The following C3orf22 variants were observed in gnomAD, a reference collection of about 807,000 sequenced individuals.
C3orf22 encodes the protein chromosome 3 open reading frame 22, also known as uncharacterized protein C3orf22.
Under a neutral mutation model 10.8 loss-of-function variants are expected in C3orf22, and 7 were observed. The observed-to-expected ratio is 0.65, with a 90% CI of 0.37 to 1.22. The LOEUF is 1.22. Among genes scored for constraint, C3orf22 ranks in the 50% most tolerant of loss-of-function variants. The pLI is 0.02. For missense variants in C3orf22, 173 were observed against 177.0 expected (o/e 0.98, Z 0.13); for synonymous variants, 79 against 78.9 (o/e 1.00, Z 0.00).
chr3:126,538,044 G>A (rs1326713890), intron 4 of C3orf22, among the ~76,000 whole-genome samples: 1 of 152,158 alleles, frequency 6.6e-6, no homozygotes, highest in African/African-American at 2.4e-5. Context: ...TTGGAGCCCC[G>A]GCTTCCCCAA....
At chr3:126,541,992 G>A in intron 4 of C3orf22, 1 of 1,564,052 alleles carries the variant, frequency 6.4e-7, no homozygotes. Flanking sequence ...CACGCGCCTG[G>A]CCGCCTGCCC....
At chr3:126,540,313 A>G (rs982893682) in intron 4 of C3orf22, among the ~76,000 whole-genome samples, 2 of 152,158 alleles carry the variant, frequency 1.3e-5, no homozygotes, top group Admixed American at 1.3e-4. Context: ...CCGCTGTCTA[A>G]TTTCCAAACA....
downstream of C3orf22, among the ~76,000 whole-genome samples, chr3:126,544,925 C>G (rs534108828): frequency 6.6e-6 from 1 of 152,360 alleles, no homozygotes; most frequent in South Asian, 2.1e-4. Flanking sequence ...CCCAGGCCCT[C>G]GAGGACTGAG....
At chr3:126,529,218 G>A in exon 5 of C3orf22, 3 of 912,218 alleles carry the variant, frequency 3.3e-6, no homozygotes, top group Non-Finnish European at 4.7e-6. Flanking sequence ...CTAGTGTGGT[G>A]TTTCACCCGG....
chr3:126,530,269 C>T (rs1936626506), intron 4 of C3orf22, among the ~76,000 whole-genome samples: 1 of 152,262 alleles, frequency 6.6e-6, no homozygotes, highest in African/African-American at 2.4e-5. Context: ...TCTCTGGTAC[C>T]TGCTCCCTTT....
intron 2 of C3orf22, among the ~76,000 whole-genome samples, chr3:126,552,794 C>A (rs576757557): frequency 2.0e-5 from 3 of 152,200 alleles, no homozygotes; most frequent in Non-Finnish European, 4.4e-5. Context: ...TGCTGTCCTG[C>A]GGGTGGGAGG....
chr3:126,529,383 C>T (rs371186456), intron 4 of C3orf22: 40 of 1,289,164 alleles, frequency 3.1e-5, no homozygotes, highest in African/African-American at 1.2e-4. Flanking sequence ...CTACGGATGC[C>T]GCAAGGGGGG....
rs1463783300 is a variant in C3orf22, at chr3:126,542,231, G to C, written c.286+7306C>G. 4 of 1,510,310 alleles carry C rather than the reference G, an allele frequency of 2.6e-6. No homozygotes were observed. In the African/African-American group the frequency reaches 4.3e-5, roughly 16 times the overall value. The allele number at this position is 1,510,310 out of a possible 1,614,324, so 93.6% of individuals were successfully genotyped here. ...CCGCGGCCACGACGTGCGCTTCGCG[G>C]AGTTCCTGGCCTACCTGCTGGACCC... On this transcript the variant is annotated intron_variant and NMD_transcript_variant, in intron 4 of 5. Coordinates refer to the C3orf22 transcript ENST00000505070.
downstream of C3orf22, chr3:126,549,610 G>A (rs774215681): frequency 5.7e-6 from 8 of 1,403,128 alleles, no homozygotes; most frequent in Non-Finnish European, 7.6e-6. Flanking sequence ...CACCAACCCT[G>A]CAAGATTAAA....
At chr3:126,555,211 G>C (rs1393648580) in intron 1 of C3orf22, among the ~76,000 whole-genome samples, 1 of 152,182 alleles carries the variant, frequency 6.6e-6, no homozygotes, top group Admixed American at 6.5e-5. Flanking sequence ...TCCTCTCTCA[G>C]GAAGGCCAGC....
At chr3:126,550,720 C>T (rs1937162397) in intron 3 of C3orf22, among the ~76,000 whole-genome samples, 1 of 152,352 alleles carries the variant, frequency 6.6e-6, no homozygotes, top group East Asian at 1.9e-4. Context: ...TGCCCACTCC[C>T]CCAGCCCTGG....
chr3:126,547,622 G>A (rs1937091107), downstream of C3orf22, among the ~76,000 whole-genome samples: 1 of 152,202 alleles, frequency 6.6e-6, no homozygotes, highest in South Asian at 2.1e-4. Flanking sequence ...TCCTGCTCCA[G>A]TCCCAAAAGC....
chr3:126,544,606 T>A (rs1243371072), intron 4 of C3orf22, among the ~76,000 whole-genome samples: 1 of 152,176 alleles, frequency 6.6e-6, no homozygotes, highest in Non-Finnish European at 1.5e-5. Flanking sequence ...TGATGACACA[T>A]GCCTTTGTTC....
chr3:126,550,464 A>G (rs994194626), intron 3 of C3orf22, among the ~76,000 whole-genome samples: 1 of 152,078 alleles, frequency 6.6e-6, no homozygotes, highest in Admixed American at 6.5e-5. Context: ...TGCCAACCTG[A>G]CTGTGAGGAC....
chr3:126,537,344 C>A lies in C3orf22; in HGVS notation c.287-7972G>T, dbSNP rs568671502. ...GGGGAGCCTGGAGAAGTGGGCAGCACGCAGGCCCTGCAGGTGTGCAAGGGT... is the reference window on the plus strand; with the variant it reads ...GGGGAGCCTGGAGAAGTGGGCAGCAAGCAGGCCCTGCAGGTGTGCAAGGGT... On this transcript the variant is annotated intron_variant and NMD_transcript_variant, in intron 4 of 5. Transcript: ENST00000505070. 4.6e-5 allele frequency among the ~76,000 whole-genome samples: 7 copies of A among 152,318 alleles called. No homozygotes were observed. In the South Asian group the frequency reaches 1.4e-3, roughly 32 times the overall value.
chr3:126,553,426 C>A lies in C3orf22; in HGVS notation c.-36G>T, dbSNP rs757510703. On this transcript the variant is annotated 5_prime_UTR_variant, in exon 2 of 4. An upstream start codon of the reference 5' UTR is lost. Transcript: ENST00000318225. Reference sequence around the variant, plus strand: ...GTTAAGCTGAGGCACACCTCTCAGCCATGGCTGGAAGACAAGAGGAGGCGT... The same window carrying A: ...GTTAAGCTGAGGCACACCTCTCAGCAATGGCTGGAAGACAAGAGGAGGCGT... 1 of 1,565,314 alleles carries A rather than the reference C, an allele frequency of 6.4e-7. No individual in the cohort carries two copies. The highest frequency in any genetic ancestry group is 2.3e-5 in the East Asian group (1 of 44,410).
downstream of C3orf22, among the ~76,000 whole-genome samples, chr3:126,547,131 G>T (rs184741096): frequency 5.9e-5 from 9 of 152,282 alleles, no homozygotes; most frequent in Non-Finnish European, 1.2e-4. Context: ...TTCTACCTGT[G>T]GATCTGTGTT....
At chr3:126,533,892 T>C (rs1560138930) in intron 4 of C3orf22, among the ~76,000 whole-genome samples, 1 of 152,204 alleles carries the variant, frequency 6.6e-6, no homozygotes, top group Non-Finnish European at 1.5e-5. Context: ...TAATTCAACA[T>C]CTTGACTTGT....
chr3:126,539,246 G>A (rs948137851), intron 4 of C3orf22, among the ~76,000 whole-genome samples: 1 of 152,094 alleles, frequency 6.6e-6, no homozygotes, highest in Non-Finnish European at 1.5e-5. Context: ...ATGTCTGAAC[G>A]TATCTCTAAA....
Sources: allele counts gnomAD v4.1 joint callset (sites outside exome capture counted in the v4.1 genomes callset), GRCh38; gene constraint gnomAD v4.1.1; transcripts MANE v1.5; gene names NCBI Gene and HGNC (gene_info 2026-07-23, HGNC 2026-07-21).